SLC44A2: variants seen among roughly 807,000 people sequenced by gnomAD.
SLC44A2 encodes the protein choline transporter-like protein 2.
A neutral mutation model predicts 90.8 loss-of-function variants in SLC44A2; 57 were observed. The ratio of observed to expected loss-of-function variants is 0.63; its 90% CI spans 0.51 to 0.78. The LOEUF (loss-of-function observed/expected upper bound fraction) is 0.78. Among genes scored for constraint, SLC44A2 ranks in the 30% least tolerant of loss-of-function variants. The pLI is 0.00. For missense variants in SLC44A2, 794 were observed against 919.7 expected (o/e 0.86, Z 1.77); for synonymous variants, 355 against 360.7 (o/e 0.98, Z 0.18).
chr19:10,631,291 G>A lies in SLC44A2; in HGVS notation c.347G>A (p.Cys116Tyr), dbSNP rs772163270. ...CPTPQICVEK[C>Y]PDRYLTYLNA... ...CCCTCCCAGATCTGCGTGGAAAAAT[G>A]CCCCGACCGCTACCTCACGTACCTG... Residue 116 changes from cysteine to tyrosine, a missense_variant, in exon 6 of 22, where the codon TGC (cysteine) becomes TAC (tyrosine). By Grantham distance (194) the Cys-to-Tyr change is radical (BLOSUM62 -2). This residue lies in a region of SLC44A2 where 738 missense variants were observed against 841.1 expected (regional missense o/e 0.88). Transcript: ENST00000335757. The A allele has an allele frequency of 1.2e-6, 2 of 1,614,076 alleles. No homozygotes were observed. Among genetic ancestry groups the A allele is most frequent in the South Asian group, 2.2e-5 (2 of 91,084 alleles).
At chr19:10,602,492 C>G (rs773360693), upstream of SLC44A2, 1 of 1,233,782 alleles carries the variant, frequency 8.1e-7, no homozygotes, top group African/African-American at 1.6e-5. Context: ...GGGCTGGGGT[C>G]GCGCTGGCTC....
At chr19:10,631,599 A>T (rs1283315076) in intron 7 of SLC44A2, 27 bp from the exon 8 acceptor site, 1 of 1,613,886 alleles carries the variant, frequency 6.2e-7, no homozygotes, top group African/African-American at 1.3e-5. Flanking sequence ...GCTCAGCCTG[A>T]CTGGTGCCAT....
intron 1 of SLC44A2, among the ~76,000 whole-genome samples, chr19:10,617,934 A>G (rs1255473762): frequency 6.6e-6 from 1 of 152,156 alleles, no homozygotes; most frequent in East Asian, 1.9e-4. Flanking sequence ...TGATGGTAGA[A>G]GTATTCTCTT....
chr19:10,619,227 C>T (rs926665100), intron 1 of SLC44A2, among the ~76,000 whole-genome samples: 38 of 150,950 alleles, frequency 2.5e-4, no homozygotes, highest in Non-Finnish European at 4.3e-4. Flanking sequence ...CTCAAGAGTT[C>T]GAGACCAGCT....
chr19:10,625,522 G>A, upstream of SLC44A2: 1 of 1,226,910 alleles, frequency 8.2e-7, no homozygotes, highest in Non-Finnish European at 1.0e-6. Flanking sequence ...CTGGCGCTGT[G>A]CTGGGAGGAG....
chr19:10,622,420 T>G (rs1444888669), upstream of SLC44A2, among the ~76,000 whole-genome samples: 1 of 151,928 alleles, frequency 6.6e-6, no homozygotes, highest in Non-Finnish European at 1.5e-5. Flanking sequence ...ATAGTGAGGA[T>G]AGAAAGTGTC....
At chr19:10,607,870 C>T (rs947293920) in intron 1 of SLC44A2, among the ~76,000 whole-genome samples, 11 of 150,456 alleles carry the variant, frequency 7.3e-5, no homozygotes, top group African/African-American at 1.7e-4. Context: ...CTCAGCCTCC[C>T]GAGTAGCTGG....
chr19:10,602,700 T>G, intron 1 of SLC44A2: 1 of 758,408 alleles, frequency 1.3e-6, no homozygotes, highest in Non-Finnish European at 1.7e-6. Flanking sequence ...CATCCGACAC[T>G]GCGCGGATCC....
At chr19:10,641,605 C>A (rs1279411207) in intron 20 of SLC44A2, among the ~76,000 whole-genome samples, 1 of 152,128 alleles carries the variant, frequency 6.6e-6, no homozygotes, top group Non-Finnish European at 1.5e-5. Flanking sequence ...GTAGTCCCAG[C>A]ACTTGGGGAG....
upstream of SLC44A2, among the ~76,000 whole-genome samples, chr19:10,624,146 C>T (rs2066911786): frequency 6.7e-6 from 1 of 149,820 alleles, no homozygotes; most frequent in Non-Finnish European, 1.5e-5. Context: ...TACAGGTGCA[C>T]ACCACAACAT....
intron 6 of SLC44A2, 40 bp from the exon 7 acceptor site, chr19:10,631,434 AC>A (rs1568450297): frequency 1.2e-6 from 2 of 1,614,096 alleles, no homozygotes; most frequent in Admixed American, 3.3e-5. Context: ...GTGGCAGTGT[AC>A]TAGACTTGGG....
At chr19:10,625,351 C>T, upstream of SLC44A2, 2 of 723,254 alleles carry the variant, frequency 2.8e-6, no homozygotes, top group Non-Finnish European at 3.7e-6. Context: ...AGGGTGTTCC[C>T]AGGGTGAAGC....
At chr19:10,630,221 C>T (rs1256956080) in intron 4 of SLC44A2, among the ~76,000 whole-genome samples, 2 of 152,024 alleles carry the variant, frequency 1.3e-5, no homozygotes, top group Non-Finnish European at 2.9e-5. Flanking sequence ...TGTGGTTGCG[C>T]ACACCCGTAG....
chr19:10,612,959 T>C (rs1233003081), intron 1 of SLC44A2, among the ~76,000 whole-genome samples: 7 of 152,342 alleles, frequency 4.6e-5, no homozygotes, highest in African/African-American at 1.7e-4. Flanking sequence ...CCTCACCAGC[T>C]GTGTGGCCCG....
rs1432348467 is a variant in SLC44A2, at chr19:10,638,185, ATCCAGAACCCTTCGCCATCTTG to A, written c.1841-41_1841-20del. On this transcript the variant is annotated intron_variant, in intron 19 of 21. Transcript: ENST00000335757. The stretch of plus-strand genomic sequence containing the variant: ...ATCTTCTTAGGAGGCTGTTTCCTAT[ATCCAGAACCCTTCGCCATCTTG>A]CTTTCTTCTCCTTCTCCAGGGATCC... 3 of 1,612,832 alleles carry A rather than the reference ATCCAGAACCCTTCGCCATCTTG, an allele frequency of 1.9e-6. No homozygotes were observed. In the South Asian group the frequency reaches 3.3e-5, roughly 18 times the overall value.
intron 14 of SLC44A2, 29 bp downstream of exon 14, chr19:10,635,544 G>T (rs776655800): frequency 1.3e-6 from 2 of 1,586,632 alleles, no homozygotes; most frequent in Admixed American, 1.8e-5. Context: ...GGGAGGGCAG[G>T]TATTGCCCCA....
At chr19:10,607,746 TA>T (rs200859259) in intron 1 of SLC44A2, among the ~76,000 whole-genome samples, 4,407 of 131,182 alleles carry the variant, frequency 0.034, 246 homozygotes, top group East Asian at 0.27. Flanking sequence ...TTATTATTAT[TA>T]TTATTTTTTT....
chr19:10,612,927 T>C (rs1918347630), intron 1 of SLC44A2, among the ~76,000 whole-genome samples: 1 of 152,202 alleles, frequency 6.6e-6, no homozygotes, highest in Non-Finnish European at 1.5e-5. Context: ...AGCAGGGCGT[T>C]GGTTTGACTC....
At chr19:10,609,221 G>GCC (rs1197091620) in intron 1 of SLC44A2, among the ~76,000 whole-genome samples, 3 of 152,062 alleles carry the variant, frequency 2.0e-5, no homozygotes, top group African/African-American at 7.2e-5. Context: ...CTCCCAAAGT[G>GCC]CTGAGATTAC....
Sources: gnomAD v4.1 joint callset for allele counts (sites outside exome capture counted in the v4.1 genomes callset) on GRCh38, gnomAD v4.1.1 for gene constraint, gnomAD v4.1.1 regional missense constraint, MANE v1.5 for transcripts, NCBI Gene and HGNC (gene_info 2026-07-23, HGNC 2026-07-21) for gene names.